The following PCDH15 variants were observed in gnomAD, a reference collection of about 807,000 sequenced individuals.
The protein encoded by PCDH15 is protocadherin related 15.
PCDH15 carries 129 observed loss-of-function variants against 178.5 expected under a neutral mutation model. That is an observed-to-expected ratio of 0.72 (90% CI 0.63 to 0.84). The LOEUF (loss-of-function observed/expected upper bound fraction) is 0.84. PCDH15 is among the 40% of genes least tolerant of loss of function. The pLI is 0.00. For missense variants in PCDH15, 2,230 were observed against 2,099.9 expected (o/e 1.06, Z -1.21); for synonymous variants, 800 against 732.0 (o/e 1.09, Z -1.50).
intron 6 of PCDH15, among the ~76,000 whole-genome samples, chr10:54,340,423 T>C (rs1165098787): frequency 1.3e-5 from 2 of 152,288 alleles, no homozygotes; most frequent in South Asian, 2.1e-4. Context: ...ACACCTCTAG[T>C]ATGAATCAAA....
intron 1 of PCDH15, among the ~76,000 whole-genome samples, chr10:54,724,326 G>A (rs1942122236): frequency 6.6e-6 from 1 of 151,500 alleles, no homozygotes; most frequent in Non-Finnish European, 1.5e-5. Context: ...AACTAAACAA[G>A]AGGTACATAT....
Position 54,899,458 on chromosome 10 carries a change from TTCCCCTCCCC to T in PCDH15, c.-79-1968_-79-1959del, listed in dbSNP as rs537010108. On this transcript the variant is annotated intron_variant, in intron 2 of 5. Coordinates refer to the PCDH15 transcript ENST00000458638. Reference sequence around the variant, plus strand: ...ACTTCATGATCATGATTAAAGATAATTCCCCTCCCCTCCCCTCCCCTCCCCTTCCCTTCCG... The same window carrying T: ...ACTTCATGATCATGATTAAAGATAATTCCCCTCCCCTCCCCTTCCCTTCCG... 3.7e-5 allele frequency among the ~76,000 whole-genome samples: 5 copies of T among 135,296 alleles called. No individual in the cohort carries two copies. In the East Asian group the frequency reaches 1.0e-3, roughly 28 times the overall value. 88.8% of individuals were successfully genotyped at this position (135,296 alleles called of 152,430 possible).
At chr10:55,079,831 G>A (rs1370743568) in intron 2 of PCDH15, among the ~76,000 whole-genome samples, 3 of 152,146 alleles carry the variant, frequency 2.0e-5, no homozygotes. Context: ...GCCAGAGGTG[G>A]TGCAATAGCT....
At chr10:53,917,951 G>GCT (rs1427562220) in intron 25 of PCDH15, among the ~76,000 whole-genome samples, 1 of 152,040 alleles carries the variant, frequency 6.6e-6, no homozygotes, top group Non-Finnish European at 1.5e-5. Context: ...TAACGCACTG[G>GCT]CTCTCCCTTC....
chr10:54,927,229 C>T lies in PCDH15; in HGVS notation c.-79-29729G>A, dbSNP rs546885040. Among the ~76,000 whole-genome samples the T allele has an allele frequency of 5.0e-4, 76 of 151,964 alleles. 1 individual carries two copies. The South Asian group carries it at 1.0e-2, about 20-fold the overall frequency. On this transcript the variant is annotated intron_variant, in intron 2 of 5. Transcript: ENST00000458638. The stretch of plus-strand genomic sequence containing the variant: ...TTAGAATCAGGTTATTGCATTTCCA[C>T]GTTATTGTATGGTTTTCAGGAAATA...
In PCDH15 at chr10:54,378,616, C is replaced by T. The variant is rs530352559; in HGVS notation, c.318+166G>A. On this transcript the variant is annotated intron_variant, in intron 4 of 37. Coordinates refer to ENST00000644397, the MANE Select transcript of PCDH15 (RefSeq NM_001384140.1). The stretch of plus-strand genomic sequence containing the variant: ...AACGGTTCTCCAGGACACAGATGTT[C>T]CCTTCCTTTCTCATTCTTCTTTAAA... Among the ~76,000 whole-genome samples the T allele has an allele frequency of 3.3e-5, 5 of 152,188 alleles. 1 individual carries two copies. Among genetic ancestry groups the T allele is most frequent in the Admixed American group, 6.5e-5 (1 of 15,274 alleles).
intron 3 of PCDH15, among the ~76,000 whole-genome samples, chr10:54,853,316 T>TATATATATATATAC (rs1554806802): frequency 4.3e-5 from 5 of 115,122 alleles, no homozygotes; most frequent in South Asian, 2.9e-4. Flanking sequence ...TATATATATA[T>TATATATATATATAC]ATACATACAC....
chr10:55,040,769 TTTTA>T (rs1373559087), intron 2 of PCDH15, among the ~76,000 whole-genome samples: 3 of 152,104 alleles, frequency 2.0e-5, no homozygotes, highest in Non-Finnish European at 4.4e-5. Flanking sequence ...TATATAATAG[TTTTA>T]TTTTTCATGT....
intron 2 of PCDH15, among the ~76,000 whole-genome samples, chr10:54,585,949 C>T (rs911541276): frequency 1.3e-5 from 2 of 152,070 alleles, no homozygotes; most frequent in African/African-American, 2.4e-5. Context: ...TCTGAAAAAG[C>T]TCAACAGATT....
At chr10:55,592,810 TTATC>T (rs1261452670) in intron 2 of PCDH15, among the ~76,000 whole-genome samples, 2 of 152,248 alleles carry the variant, frequency 1.3e-5, no homozygotes, top group Non-Finnish European at 2.9e-5. Flanking sequence ...ATTTGTTGCT[TTATC>T]TAATTAGATT....
At chr10:54,823,126 C>T (rs758158842) in intron 3 of PCDH15, among the ~76,000 whole-genome samples, 8 of 152,036 alleles carry the variant, frequency 5.3e-5, no homozygotes, top group Non-Finnish European at 1.0e-4. Flanking sequence ...AAGTGATCTG[C>T]CCACCTCAGC....
intron 2 of PCDH15, among the ~76,000 whole-genome samples, chr10:55,361,943 A>T (rs940869266): frequency 4.6e-5 from 7 of 152,092 alleles, no homozygotes; most frequent in African/African-American, 1.7e-4. Context: ...TTTACCATGG[A>T]CCTTCTCTAG....
intron 1 of PCDH15, among the ~76,000 whole-genome samples, chr10:55,234,454 G>A (rs534205122): frequency 3.3e-5 from 5 of 151,602 alleles, no homozygotes; most frequent in East Asian, 1.9e-4. Context: ...ACTCAGGCTG[G>A]AGTGAGTGGC....
intron 2 of PCDH15, among the ~76,000 whole-genome samples, chr10:55,497,529 T>C (rs1445680603): frequency 1.3e-5 from 2 of 151,848 alleles, no homozygotes; most frequent in Admixed American, 6.6e-5. Flanking sequence ...TTAATAATGA[T>C]AATACAATTT....
At chr10:53,856,997 C>T (rs1470182087) in intron 28 of PCDH15, among the ~76,000 whole-genome samples, 178 bp downstream of exon 28, 1 of 151,990 alleles carries the variant, frequency 6.6e-6, no homozygotes, top group Non-Finnish European at 1.5e-5. Flanking sequence ...TAGCTATTGG[C>T]TACAGTGCTC....
intron 5 of PCDH15, among the ~76,000 whole-genome samples, chr10:54,364,102 C>T (rs552303555): frequency 6.6e-6 from 1 of 151,642 alleles, no homozygotes; most frequent in African/African-American, 2.4e-5. Context: ...ATTCCAGCTA[C>T]TCGGGAGGCT....
At chr10:54,824,374 A>G (rs576164474) in intron 3 of PCDH15, among the ~76,000 whole-genome samples, 15 of 152,272 alleles carry the variant, frequency 9.9e-5, no homozygotes, top group African/African-American at 3.4e-4. Context: ...AAGAAAAAAG[A>G]ACAACTGTGG....
At chr10:54,678,032 T>C (rs2094823944) in intron 1 of PCDH15, among the ~76,000 whole-genome samples, 3 of 152,158 alleles carry the variant, frequency 2.0e-5, no homozygotes, top group Non-Finnish European at 4.4e-5. Context: ...ATAAAGATAA[T>C]GTACCAGGAT....
At chr10:54,406,800 A>G (rs1482463399) in intron 3 of PCDH15, among the ~76,000 whole-genome samples, 2 of 152,174 alleles carry the variant, frequency 1.3e-5, no homozygotes, top group Non-Finnish European at 2.9e-5. Flanking sequence ...GCCAAACTAC[A>G]AAGTATTTAG....
Sources: gnomAD v4.1 joint callset for allele counts (sites outside exome capture counted in the v4.1 genomes callset) on GRCh38, gnomAD v4.1.1 for gene constraint, MANE v1.5 for transcripts, NCBI Gene and HGNC (gene_info 2026-07-23, HGNC 2026-07-21) for gene names.